CCDC171: variants seen among roughly 807,000 people sequenced by gnomAD.
CCDC171 encodes coiled-coil domain-containing protein 171.
CCDC171 carries 177 observed loss-of-function variants against 168.2 expected under a neutral mutation model. The observed-to-expected ratio is 1.05, with a 90% CI of 0.93 to 1.19. The LOEUF (loss-of-function observed/expected upper bound fraction) is 1.19. CCDC171 is among the 50% of genes most tolerant of loss of function. CCDC171 has a pLI of 0.00. For synonymous variants in CCDC171, 687 were observed against 540.8 expected (o/e 1.27, Z -3.75); for missense variants, 1,991 against 1,539.0 (o/e 1.29, Z -4.91).
At chr9:15,600,085 C>T (rs1235184385) in intron 6 of CCDC171, among the ~76,000 whole-genome samples, 1 of 152,166 alleles carries the variant, frequency 6.6e-6, no homozygotes, top group Non-Finnish European at 1.5e-5. Context: ...TGGGTTCGAA[C>T]TTCCTCCTTT....
At chr9:15,607,964 G>C (rs1390411524) in intron 6 of CCDC171, among the ~76,000 whole-genome samples, 2 of 152,096 alleles carry the variant, frequency 1.3e-5, no homozygotes, top group Non-Finnish European at 2.9e-5. Flanking sequence ...AGTTCTGGAG[G>C]CTGAGACATC....
intron 4 of CCDC171, among the ~76,000 whole-genome samples, chr9:15,586,757 C>G (rs1241259707): frequency 1.3e-5 from 2 of 152,080 alleles, no homozygotes; most frequent in Non-Finnish European, 2.9e-5. Flanking sequence ...ATTCTGAATG[C>G]TGAATATTGA....
the CCDC171 span, among the ~76,000 whole-genome samples, chr9:16,099,540 A>T: frequency 6.6e-6 from 1 of 152,336 alleles, no homozygotes; most frequent in South Asian, 2.1e-4. Context: ...TGTCCTTTTC[A>T]TAAGAAAAAT....
chr9:15,750,698 T>A lies in CCDC171; in HGVS notation c.2671+5067T>A, dbSNP rs139161165. Among the ~76,000 whole-genome samples, 32 of 152,296 alleles carry A rather than the reference T, an allele frequency of 2.1e-4. 1 individual carries two copies. The highest frequency in any genetic ancestry group is 7.5e-4 in the African/African-American group (31 of 41,544). On this transcript the variant is annotated intron_variant, in intron 18 of 25. Transcript: ENST00000380701. ...AAAACCACATGATTATCTCAATGGA[T>A]GCAGAAAAGGCCTTCGACAAAATTC...
chr9:15,828,649 G>C (rs984619074), intron 21 of CCDC171, among the ~76,000 whole-genome samples: 13 of 152,102 alleles, frequency 8.5e-5, no homozygotes, highest in Admixed American at 6.6e-5. Context: ...TTCTCTATAG[G>C]GTGCTACAGA....
intron 7 of CCDC171, among the ~76,000 whole-genome samples, chr9:15,626,363 G>A (rs979884496): frequency 3.3e-5 from 5 of 152,194 alleles, no homozygotes; most frequent in Non-Finnish European, 7.3e-5. Flanking sequence ...GAATAGGAGT[G>A]GTGAGAGAGG....
intron 10 of CCDC171, among the ~76,000 whole-genome samples, chr9:15,692,739 G>A (rs1176797537): frequency 1.3e-5 from 2 of 151,660 alleles, no homozygotes; most frequent in Admixed American, 6.6e-5. Flanking sequence ...GTGTTAGCCC[G>A]TATGATGTGG....
At chr9:15,667,028 T>A (rs916045772) in intron 9 of CCDC171, among the ~76,000 whole-genome samples, 8 of 152,000 alleles carry the variant, frequency 5.3e-5, no homozygotes, top group Non-Finnish European at 1.0e-4. Context: ...TAAACAAGAG[T>A]AAGGACATAC....
At position 15,729,604 on chromosome 9, in the gene CCDC171, G is replaced by A. The variant is rs370780578; in HGVS notation, c.1861-6G>A. 1.6e-5 allele frequency: 25 copies of A among 1,593,644 alleles called. No individual in the cohort carries two copies. Among genetic ancestry groups the A allele is most frequent in the South Asian group, 3.4e-5 (3 of 88,010 alleles). Reference sequence around the variant, plus strand: ...ATTTCCTTCTCTGTTGCATCTCCCCGTATAGATAAGGCATCTAGAGTATAT... The same window carrying A: ...ATTTCCTTCTCTGTTGCATCTCCCCATATAGATAAGGCATCTAGAGTATAT... On this transcript the variant is annotated splice_polypyrimidine_tract_variant and splice_region_variant and intron_variant, in intron 15 of 25. Transcript: ENST00000380701.
intron 3 of CCDC171, among the ~76,000 whole-genome samples, chr9:16,018,706 C>T (rs528197738): frequency 3.9e-4 from 59 of 152,312 alleles, no homozygotes; most frequent in African/African-American, 1.4e-3. Context: ...AACACAGTGG[C>T]CCTGTCAATT....
rs188707472 is a variant in CCDC171, at chr9:15,562,150, A to T, written c.-111-1828A>T. Among the ~76,000 whole-genome samples the T allele has an allele frequency of 7.2e-4, 110 of 151,984 alleles. 3 individuals carry two copies. The highest frequency in any genetic ancestry group is 1.3e-3 in the Non-Finnish European group (88 of 67,916). ...GCTGGGATTATAGGCGCCCACCATC[A>T]CGCCCAGCTAATTTTCTTTATTTTT... On this transcript the variant is annotated intron_variant, in intron 1 of 25. Coordinates refer to ENST00000380701, the MANE Select transcript of CCDC171 (RefSeq NM_173550.4).
upstream of CCDC171, among the ~76,000 whole-genome samples, chr9:16,042,405 G>A (rs1833587397): frequency 6.6e-6 from 1 of 152,198 alleles, no homozygotes; most frequent in African/African-American, 2.4e-5. Flanking sequence ...AGGTGGCAGG[G>A]AGGGCTTCTG....
At chr9:15,883,277 C>G (rs1818955611) in intron 24 of CCDC171, 1 of 153,638 alleles carries the variant, frequency 6.5e-6, no homozygotes, top group East Asian at 1.9e-4. Flanking sequence ...CCAGACTGGT[C>G]TGAAACTCCT....
chr9:16,088,474 T>C, the CCDC171 span, among the ~76,000 whole-genome samples: 2 of 152,188 alleles, frequency 1.3e-5, no homozygotes, highest in African/African-American at 4.8e-5. Flanking sequence ...GAAAACCCCA[T>C]TGTCTCAGCC....
the CCDC171 span, among the ~76,000 whole-genome samples, chr9:16,081,305 G>T: frequency 5.3e-5 from 8 of 152,160 alleles, no homozygotes; most frequent in Non-Finnish European, 7.3e-5. Context: ...TCTCTCAGAG[G>T]TGAGTCTGGA....
chr9:15,624,431 T>C (rs546696667), intron 7 of CCDC171, among the ~76,000 whole-genome samples: 1 of 152,232 alleles, frequency 6.6e-6, no homozygotes, highest in South Asian at 2.1e-4. Flanking sequence ...ATCATTTACA[T>C]TAGGTATATC....
At chr9:15,842,126 C>T (rs558464352) in intron 21 of CCDC171, among the ~76,000 whole-genome samples, 1 of 152,078 alleles carries the variant, frequency 6.6e-6, no homozygotes, top group East Asian at 1.9e-4. Context: ...CTTGTGTTGT[C>T]TTGCCTTTCA....
intron 14 of CCDC171, among the ~76,000 whole-genome samples, chr9:15,726,732 A>G (rs1025974883): frequency 2.6e-5 from 4 of 152,100 alleles, no homozygotes; most frequent in African/African-American, 9.6e-5. Flanking sequence ...TACATATGCT[A>G]TATTCAGTTT....
intron 21 of CCDC171, among the ~76,000 whole-genome samples, chr9:15,800,424 C>G (rs1367521928): frequency 6.6e-6 from 1 of 152,008 alleles, no homozygotes; most frequent in African/African-American, 2.4e-5. Flanking sequence ...TAAAAAATGT[C>G]AATTTAATCT....
Sources: allele counts gnomAD v4.1 joint callset (sites outside exome capture counted in the v4.1 genomes callset), GRCh38; gene constraint gnomAD v4.1.1; transcripts MANE v1.5; gene names NCBI Gene and HGNC (gene_info 2026-07-23, HGNC 2026-07-21).